Variants in SYT1 observed in about 807,000 individuals in gnomAD.
The protein encoded by SYT1 is synaptotagmin-1.
Under a neutral mutation model 44.8 loss-of-function variants are expected in SYT1, and 8 were observed. That is an observed-to-expected ratio of 0.18 (90% CI 0.10 to 0.32). The LOEUF (loss-of-function observed/expected upper bound fraction) is 0.32, where lower values mean the gene tolerates loss of function less well. Among genes scored for constraint, SYT1 ranks in the 10% least tolerant of loss-of-function variants. The pLI is 1.00. For missense variants in SYT1, 286 were observed against 509.3 expected, an observed-to-expected ratio of 0.56 and a Z score of 4.22; for synonymous variants, 154 against 188.8, an observed-to-expected ratio of 0.82 and a Z score of 1.51.
At chr12:79,287,865 G>T (rs776318076) in intron 5 of SYT1, among the ~76,000 whole-genome samples, 4 of 152,076 alleles carry the variant, frequency 2.6e-5, no homozygotes, top group Non-Finnish European at 4.4e-5. Context: ...CAGAGAAAAT[G>T]ATTCAAACAA....
intron 1 of SYT1, among the ~76,000 whole-genome samples, chr12:78,962,332 C>CTTTTTT (rs35875550): frequency 1.2e-4 from 15 of 130,128 alleles, no homozygotes; most frequent in East Asian, 6.9e-4. Context: ...AGCATTCTTT[C>CTTTTTT]TTTTTTTTTT....
At chr12:78,941,726 C>T (rs890983174) in intron 1 of SYT1, among the ~76,000 whole-genome samples, 1 of 152,168 alleles carries the variant, frequency 6.6e-6, no homozygotes, top group Non-Finnish European at 1.5e-5. Flanking sequence ...ATTCTCTGAT[C>T]CACATCTTAC....
chr12:79,093,765 C>T (rs1877935245), intron 3 of SYT1, among the ~76,000 whole-genome samples: 1 of 151,664 alleles, frequency 6.6e-6, no homozygotes, highest in African/African-American at 2.4e-5. Flanking sequence ...TCACCAAAAA[C>T]ACATCCTAGT....
chr12:78,961,255 C>T (rs1220265631), intron 1 of SYT1, among the ~76,000 whole-genome samples: 3 of 152,162 alleles, frequency 2.0e-5, no homozygotes, highest in African/African-American at 7.2e-5. Context: ...GTATGCCCCA[C>T]CTACCCACTG....
intron 3 of SYT1, among the ~76,000 whole-genome samples, chr12:79,213,921 C>CA (rs978243043): frequency 3.3e-5 from 5 of 151,718 alleles, no homozygotes; most frequent in Non-Finnish European, 7.4e-5. Flanking sequence ...TACTGTGTCT[C>CA]AAAAAAATAA....
chr12:79,290,636 T>A (rs10778577), intron 5 of SYT1, among the ~76,000 whole-genome samples: 55,374 of 152,020 alleles, frequency 0.36, 10,356 homozygotes, highest in East Asian at 0.59. Context: ...TACCACTGGC[T>A]TATCCATTTT....
chr12:79,392,621 G>T (rs933182305), intron 9 of SYT1: 1 of 151,994 alleles, frequency 6.6e-6, no homozygotes, highest in Non-Finnish European at 1.5e-5. Flanking sequence ...CGAAAAAAAA[G>T]ACAAATGTTT....
At chr12:79,098,987 A>G (rs899197752) in intron 3 of SYT1, among the ~76,000 whole-genome samples, 1 of 152,150 alleles carries the variant, frequency 6.6e-6, no homozygotes, top group African/African-American at 2.4e-5. Flanking sequence ...TTGGGAAATA[A>G]TTCCAAAAAA....
chr12:79,435,180 A>G (rs1187930165), intron 9 of SYT1, among the ~76,000 whole-genome samples: 1 of 152,164 alleles, frequency 6.6e-6, no homozygotes, highest in African/African-American at 2.4e-5. Flanking sequence ...CATAAGAGGA[A>G]AGCCTAGAAT....
At chr12:79,355,127 G>A (rs1883061146) in intron 9 of SYT1, among the ~76,000 whole-genome samples, 2 of 152,118 alleles carry the variant, frequency 1.3e-5, no homozygotes, top group African/African-American at 4.8e-5. Flanking sequence ...GTTTCCACTA[G>A]GACTTCTCCA....
chr12:79,249,531 C>T (rs555036704), intron 4 of SYT1, among the ~76,000 whole-genome samples: 33 of 152,172 alleles, frequency 2.2e-4, no homozygotes, highest in African/African-American at 7.7e-4. Context: ...GACTAGCAGC[C>T]CAATCAGGTA....
In SYT1 at chr12:79,016,125, C is replaced by T. The variant is rs578006747; in HGVS notation, c.-83-31172C>T. Among the ~76,000 whole-genome samples, 5 of 152,218 alleles carry T rather than the reference C, an allele frequency of 3.3e-5. No individual in the cohort carries two copies. The South Asian group carries it at 6.2e-4, about 19-fold the overall frequency. ...TTTCTAAATTTTGTGTGTAATGAATCGCAAAGAGAAAGACAGTTAAAAACA... is the reference window on the plus strand; with the variant it reads ...TTTCTAAATTTTGTGTGTAATGAATTGCAAAGAGAAAGACAGTTAAAAACA... On this transcript the variant is annotated intron_variant, in intron 2 of 10. Coordinates refer to ENST00000261205, the MANE Select transcript of SYT1 (RefSeq NM_005639.3).
intron 4 of SYT1, among the ~76,000 whole-genome samples, chr12:79,285,135 C>G (rs918680004): frequency 1.3e-5 from 2 of 152,184 alleles, no homozygotes; most frequent in African/African-American, 4.8e-5. Flanking sequence ...TTTCCCCATG[C>G]TTGATTTTCA....
At chr12:79,187,777 A>G (rs1344685097) in intron 3 of SYT1, among the ~76,000 whole-genome samples, 2 of 152,082 alleles carry the variant, frequency 1.3e-5, no homozygotes, top group African/African-American at 4.8e-5. Context: ...ACAAAAGGGA[A>G]CCTTCCCAAG....
chr12:79,005,404 T>A (rs1871011174), intron 2 of SYT1, among the ~76,000 whole-genome samples: 1 of 152,066 alleles, frequency 6.6e-6, no homozygotes, highest in Non-Finnish European at 1.5e-5. Flanking sequence ...TTCCTTTTGC[T>A]GGCTCTAGAT....
chr12:79,412,571 C>T (rs112680230), intron 9 of SYT1, among the ~76,000 whole-genome samples: 11 of 152,190 alleles, frequency 7.2e-5, no homozygotes, highest in East Asian at 3.9e-4. Context: ...GGGGACGGGA[C>T]GATGGTCTCT....
intron 9 of SYT1, among the ~76,000 whole-genome samples, chr12:79,418,256 A>G (rs981907775): frequency 2.6e-5 from 4 of 152,170 alleles, no homozygotes; most frequent in Non-Finnish European, 5.9e-5. Context: ...TTGCATGGAA[A>G]TTAGCGAAAA....
intron 2 of SYT1, among the ~76,000 whole-genome samples, chr12:79,044,916 G>C (rs1021177050): frequency 4.6e-5 from 7 of 152,182 alleles, no homozygotes; most frequent in African/African-American, 1.7e-4. Context: ...CCCTGCTGGG[G>C]GGTGCCTCCC....
chr12:79,011,389 A>T (rs1592659352), intron 2 of SYT1, among the ~76,000 whole-genome samples: 1 of 152,154 alleles, frequency 6.6e-6, no homozygotes, highest in East Asian at 1.9e-4. Context: ...GAAATTACAG[A>T]GAAATATGCA....
Sources: gnomAD v4.1 joint callset for allele counts (sites outside exome capture counted in the v4.1 genomes callset) on GRCh38, gnomAD v4.1.1 for gene constraint, MANE v1.5 for transcripts, NCBI Gene and HGNC (gene_info 2026-07-23, HGNC 2026-07-21) for gene names.